VMP1: variants seen among roughly 807,000 people sequenced by gnomAD.
VMP1 encodes the protein ectopic P-granules autophagy protein 3 homolog.
In VMP1, 11 loss-of-function variants were observed where a neutral mutation model predicts 56.0. That is an observed-to-expected ratio of 0.20 (90% confidence interval 0.12 to 0.32). The LOEUF (loss-of-function observed/expected upper bound fraction) is 0.32, where lower values mean the gene tolerates loss of function less well. Among genes scored for constraint, VMP1 ranks in the 10% least tolerant of loss-of-function variants. The probability of loss-of-function intolerance (pLI) is 1.00; values close to 1 mark genes in which losing one functional copy is unlikely to be tolerated. For missense variants in VMP1, 296 were observed against 490.3 expected (o/e 0.60, Z 3.74); for synonymous variants, 149 against 165.0 (o/e 0.90, Z 0.74).
chr17:59,727,011 G>A (rs1341591936), intron 1 of VMP1, among the ~76,000 whole-genome samples: 1 of 152,066 alleles, frequency 6.6e-6, no homozygotes, highest in Non-Finnish European at 1.5e-5. Flanking sequence ...AGTATTTTAT[G>A]TACATTATCT....
chr17:59,794,665 T>C (rs2037372145), intron 7 of VMP1, among the ~76,000 whole-genome samples: 1 of 151,402 alleles, frequency 6.6e-6, no homozygotes, highest in Non-Finnish European at 1.5e-5. Context: ...GAGCACTGTA[T>C]GTTTGTGTGA....
At position 59,733,189 on chromosome 17, in the gene VMP1, A is replaced by C. The variant is rs544778730; in HGVS notation, c.76+1667A>C. ...TGACAGAGCAAGACCCTGTCCCCCA[A>C]AAAAAAAAATTTATTCTTTATTATG... On this transcript the variant is annotated intron_variant, in intron 2 of 11. Coordinates refer to ENST00000262291, the MANE Select transcript of VMP1 (RefSeq NM_030938.5). 2.9e-3 allele frequency among the ~76,000 whole-genome samples: 432 copies of C among 151,250 alleles called. 3 individuals carry two copies. Among genetic ancestry groups the C allele is most frequent in the African/African-American group, 9.6e-3 (399 of 41,364 alleles).
chr17:59,839,928 A>C lies in VMP1; in HGVS notation c.*17A>C. ...ACTAAATAAGTAGAGAAAGTTTTAAACTGCAGAAATTGGAGTGGATGGGTT... is the reference window on the plus strand; with the variant it reads ...ACTAAATAAGTAGAGAAAGTTTTAACCTGCAGAAATTGGAGTGGATGGGTT... On this transcript the variant is annotated 3_prime_UTR_variant, in exon 12 of 12. Transcript: ENST00000262291. The C allele has an allele frequency of 6.2e-7, 1 of 1,607,828 alleles. No homozygotes were observed. The highest frequency in any genetic ancestry group is 8.5e-7 in the Non-Finnish European group (1 of 1,178,824).
chr17:59,810,591 G>A (rs11079389), intron 8 of VMP1, among the ~76,000 whole-genome samples: 28,189 of 152,128 alleles, frequency 0.19, 3,220 homozygotes, highest in East Asian at 0.44. Flanking sequence ...GTGATGCTGT[G>A]TAAATGATAT....
chr17:59,709,269 A>G (rs1049206900), intron 1 of VMP1, among the ~76,000 whole-genome samples: 1 of 152,186 alleles, frequency 6.6e-6, no homozygotes, highest in Non-Finnish European at 1.5e-5. Context: ...TATCTTCTTT[A>G]TGTTCAATTG....
intron 6 of VMP1, among the ~76,000 whole-genome samples, chr17:59,768,496 G>A (rs1000660624): frequency 2.6e-5 from 4 of 151,920 alleles, no homozygotes; most frequent in African/African-American, 7.3e-5. Context: ...ACTGCTACTC[G>A]GGATGCTGAG....
chr17:59,811,978 C>T (rs764919708), intron 9 of VMP1, among the ~76,000 whole-genome samples, 192 bp downstream of exon 9: 2 of 151,850 alleles, frequency 1.3e-5, no homozygotes, highest in Non-Finnish European at 2.9e-5. Context: ...TTCTTTCTTC[C>T]TCCCTCCTTC....
chr17:59,766,788 T>G (rs564037888), intron 6 of VMP1, among the ~76,000 whole-genome samples: 210 of 152,098 alleles, frequency 1.4e-3, no homozygotes, highest in African/African-American at 4.8e-3. Flanking sequence ...TTTTTTTTTT[T>G]GCTTTTTTTT....
At position 59,840,061 on chromosome 17, in the gene VMP1, C is replaced by T. The variant is rs1443264544; in HGVS notation, c.*150C>T. ...AAAGCAGTTTAGTCCATACTTTGCACTGACATACTTTTTCCTTCTGTGCTA... is the reference window on the plus strand; with the variant it reads ...AAAGCAGTTTAGTCCATACTTTGCATTGACATACTTTTTCCTTCTGTGCTA... On this transcript the variant is annotated 3_prime_UTR_variant, in exon 12 of 12. Transcript: ENST00000262291. 1.0e-6 allele frequency: 1 copy of T among 961,692 alleles called. No individual in the cohort carries two copies. The allele number at this position is 961,692 out of a possible 1,614,324, so 59.6% of individuals were successfully genotyped here.
intron 10 of VMP1, among the ~76,000 whole-genome samples, chr17:59,830,063 A>G (rs2038760663): frequency 6.6e-6 from 1 of 152,078 alleles, no homozygotes; most frequent in African/African-American, 2.4e-5. Flanking sequence ...AACATAATTA[A>G]ATTTTATAAC....
At chr17:59,810,103 G>C (rs551981359) in intron 8 of VMP1, among the ~76,000 whole-genome samples, 2 of 152,028 alleles carry the variant, frequency 1.3e-5, no homozygotes, top group Admixed American at 6.6e-5. Flanking sequence ...TGTTTAAAGC[G>C]ATGTTAGCTC....
At chr17:59,790,304 T>G (rs1208280991) in intron 7 of VMP1, among the ~76,000 whole-genome samples, 2 of 152,218 alleles carry the variant, frequency 1.3e-5, no homozygotes, top group Admixed American at 6.5e-5. Flanking sequence ...GATAATTCAT[T>G]CAGTGCTCCC....
intron 10 of VMP1, among the ~76,000 whole-genome samples, chr17:59,828,661 T>C (rs1352889848): frequency 6.6e-6 from 1 of 152,218 alleles, no homozygotes; most frequent in Non-Finnish European, 1.5e-5. Flanking sequence ...CTAGATTTTC[T>C]AGTATAGTGT....
chr17:59,839,741 T>C, intron 11 of VMP1, 27 bp from the exon 12 acceptor site: 3 of 1,586,334 alleles, frequency 1.9e-6, no homozygotes, highest in Non-Finnish European at 2.6e-6. Flanking sequence ...CCTTTTTCAT[T>C]GCATTGTTCT....
intron 9 of VMP1, among the ~76,000 whole-genome samples, chr17:59,813,624 T>A (rs1414158692): frequency 6.6e-6 from 1 of 151,224 alleles, no homozygotes; most frequent in African/African-American, 2.4e-5. Context: ...AATAATAAAA[T>A]ATGGTGAATA....
intron 5 of VMP1, among the ~76,000 whole-genome samples, chr17:59,745,928 T>C (rs907437253): frequency 6.6e-6 from 1 of 152,212 alleles, no homozygotes; most frequent in African/African-American, 2.4e-5. Context: ...AAGTGAAATA[T>C]GAATTTTTTT....
chr17:59,770,945 G>A (rs1042604885), intron 6 of VMP1, among the ~76,000 whole-genome samples: 2 of 151,058 alleles, frequency 1.3e-5, no homozygotes, highest in Admixed American at 6.6e-5. Flanking sequence ...TATAATTTAA[G>A]CATGTTGCTC....
In VMP1 at chr17:59,710,836, C is replaced by T. The variant is rs139602385; in HGVS notation, c.-27+3088C>T. ...CTGTAATCCCAGCACTTTGGGAGGC[C>T]GAGGCGGGAAGATCACCTGAGATCA... On this transcript the variant is annotated intron_variant, in intron 1 of 11. Coordinates refer to ENST00000262291, the MANE Select transcript of VMP1 (RefSeq NM_030938.5). 3.0e-3 allele frequency among the ~76,000 whole-genome samples: 449 copies of T among 152,030 alleles called. 12 individuals carry two copies. The East Asian group carries it at 0.068, about 23-fold the overall frequency.
At chr17:59,805,486 T>G (rs2037814917) in intron 7 of VMP1, among the ~76,000 whole-genome samples, 1 of 152,194 alleles carries the variant, frequency 6.6e-6, no homozygotes, top group Admixed American at 6.5e-5. Flanking sequence ...AACCAGTTGG[T>G]ATAATTATAC....
Sources: gnomAD v4.1 joint callset for allele counts (sites outside exome capture counted in the v4.1 genomes callset) on GRCh38, gnomAD v4.1.1 for gene constraint, MANE v1.5 for transcripts, NCBI Gene and HGNC (gene_info 2026-07-23, HGNC 2026-07-21) for gene names.